The following SIMC1 variants were observed in gnomAD, a reference collection of about 807,000 sequenced individuals.
The protein encoded by SIMC1 is SUMO-interacting motif-containing protein 1.
In SIMC1, 55 loss-of-function variants were observed where a neutral mutation model predicts 82.3. That is an observed-to-expected ratio of 0.67 (90% CI 0.54 to 0.84). The LOEUF is 0.84. Ranked by LOEUF, SIMC1 falls within the 40% of genes least tolerant of loss-of-function variation. The pLI is 0.00. For synonymous variants in SIMC1, 353 were observed against 426.3 expected, an observed-to-expected ratio of 0.83 and a Z score of 2.12; for missense variants, 915 against 1,107.2, an observed-to-expected ratio of 0.83 and a Z score of 2.46.
In SIMC1 at chr5:176,290,615, C is replaced by A. The variant is rs777586034; in HGVS notation, c.1091C>A (p.Pro364His). Residue 364 changes from proline (P) to histidine (H), a missense_variant, in exon 2 of 10, where the codon CCT (proline) becomes CAT (histidine). Physicochemically the swap from Pro to His is moderately conservative, Grantham distance 77. Around this residue, in one of 2 missense-constraint regions of SIMC1, gnomAD observed 902 missense variants for 1,040.3 expected, o/e 0.87. Transcript: ENST00000429602. ...GTGACACACTCACCTAGAGACATCC[C>A]TCACTTACCAGGAGACAGGCCTGAC... ...GDVTHSPRDI[P>H]HLPGDRPDFT... 1.9e-6 allele frequency: 3 copies of A among 1,613,978 alleles called. No individual in the cohort carries two copies. Among genetic ancestry groups the A allele is most frequent in the Non-Finnish European group, 1.7e-6 (2 of 1,179,896 alleles).
chr5:176,323,024 T>C (rs1413202604), intron 6 of SIMC1, among the ~76,000 whole-genome samples: 1 of 152,200 alleles, frequency 6.6e-6, no homozygotes, highest in Non-Finnish European at 1.5e-5. Flanking sequence ...AACCCAGTAT[T>C]CCATGTCAAT....
intron 1 of SIMC1, among the ~76,000 whole-genome samples, chr5:176,240,382 T>G (rs1170353232): frequency 9.2e-6 from 1 of 109,046 alleles, no homozygotes; most frequent in Non-Finnish European, 2.0e-5. Context: ...TCTTCAGTGG[T>G]CAGATGCCAT....
At chr5:176,284,117 G>A (rs1041850443) in intron 1 of SIMC1, among the ~76,000 whole-genome samples, 37 of 152,150 alleles carry the variant, frequency 2.4e-4, no homozygotes, top group Non-Finnish European at 4.0e-4. Flanking sequence ...ACAGATCAAT[G>A]AGATAGAAAG....
chr5:176,252,700 C>T lies in SIMC1; in HGVS notation c.129+14063C>T, dbSNP rs898359795. On this transcript the variant is annotated intron_variant, in intron 1 of 9. Transcript: ENST00000429602. ...GGCTCCTCACCTCCCAGACGATGGGCGGCCAGGCAGAGACGCTCCTCACTT... is the reference window on the plus strand; with the variant it reads ...GGCTCCTCACCTCCCAGACGATGGGTGGCCAGGCAGAGACGCTCCTCACTT... 2.2e-4 allele frequency among the ~76,000 whole-genome samples: 34 copies of T among 151,706 alleles called. No individual in the cohort carries two copies. In the East Asian group the frequency reaches 6.3e-3, roughly 28 times the overall value.
At chr5:176,257,610 C>T (rs1761887985) in intron 1 of SIMC1, among the ~76,000 whole-genome samples, 1 of 152,280 alleles carries the variant, frequency 6.6e-6, no homozygotes, top group South Asian at 2.1e-4. Flanking sequence ...CCCCATGACC[C>T]AAATACCTCC....
At chr5:176,305,773 A>C (rs868121762) in intron 4 of SIMC1, among the ~76,000 whole-genome samples, 3 of 17,904 alleles carry the variant, frequency 1.7e-4, no homozygotes, top group African/African-American at 2.5e-4. Context: ...TCAGCCCCCC[A>C]CCCGGCCAGC....
chr5:176,284,659 G>A (rs1763183645), intron 1 of SIMC1, among the ~76,000 whole-genome samples: 1 of 152,056 alleles, frequency 6.6e-6, no homozygotes, highest in Non-Finnish European at 1.5e-5. Context: ...GCCAGCGGAA[G>A]GCAAGAAATA....
In SIMC1 at chr5:176,289,741, G is replaced by T; in HGVS notation, c.217G>T (p.Glu73Ter). 6.2e-7 allele frequency: 1 copy of T among 1,613,798 alleles called. No individual in the cohort carries two copies. Residue 73 changes from glutamate to a stop codon, truncating the protein, a stop_gained, in exon 2 of 10, where the codon GAA becomes TAA. Coordinates refer to ENST00000429602, the MANE Select transcript of SIMC1 (RefSeq NM_001308195.2). LOFTEE classifies it high-confidence loss of function. ...GATTGACCTGACAAGAGCTGAGGGA[G>T]AAAATAGACCTATTGCCACTCTTGA... Reference protein sequence around the residue: ...YVIDLTRAEGENRPIATLDLT... With the variant: ...YVIDLTRAEG
chr5:176,310,058 G>A (rs1350712202), intron 4 of SIMC1, among the ~76,000 whole-genome samples: 4 of 152,198 alleles, frequency 2.6e-5, no homozygotes, highest in Non-Finnish European at 5.9e-5. Flanking sequence ...ATGAAAAGCT[G>A]TTAAACTCCA....
At chr5:176,298,778 G>C (rs1763924285) in intron 4 of SIMC1, among the ~76,000 whole-genome samples, 1 of 152,194 alleles carries the variant, frequency 6.6e-6, no homozygotes, top group African/African-American at 2.4e-5. Flanking sequence ...GACATGTTAT[G>C]TGATCTCATT....
intron 1 of SIMC1, among the ~76,000 whole-genome samples, chr5:176,250,636 G>A (rs143913292): frequency 6.6e-6 from 1 of 152,016 alleles, no homozygotes; most frequent in Non-Finnish European, 1.5e-5. Flanking sequence ...TTTATGAATC[G>A]GGATGCTCCT....
chr5:176,310,518 A>G (rs1487628067), intron 4 of SIMC1, among the ~76,000 whole-genome samples: 1 of 152,234 alleles, frequency 6.6e-6, no homozygotes, highest in Non-Finnish European at 1.5e-5. Flanking sequence ...CCTCAGGGGT[A>G]TTATGGTGAA....
intron 7 of SIMC1, among the ~76,000 whole-genome samples, chr5:176,331,892 C>G (rs1048289481): frequency 2.0e-5 from 3 of 151,896 alleles, no homozygotes; most frequent in Admixed American, 6.5e-5. Context: ...TCGCTTGAAC[C>G]CAGGAGGCCG....
intron 4 of SIMC1, chr5:176,309,148 G>C: frequency 1.6e-6 from 1 of 611,100 alleles, no homozygotes; most frequent in South Asian, 2.0e-5. Flanking sequence ...TAGTAATCAA[G>C]ATAGATGGTA....
intron 4 of SIMC1, among the ~76,000 whole-genome samples, chr5:176,297,469 TC>T (rs199807769): frequency 0.045 from 6,163 of 136,626 alleles, 150 homozygotes; most frequent in Middle Eastern, 0.12. Flanking sequence ...GCCATTGCAC[TC>T]TAGTCTGGGC....
At chr5:176,326,145 G>A (rs890706985) in intron 7 of SIMC1, among the ~76,000 whole-genome samples, 1 of 152,156 alleles carries the variant, frequency 6.6e-6, no homozygotes, top group Admixed American at 6.5e-5. Flanking sequence ...TATGGTATAT[G>A]TTTGTCTTCA....
intron 4 of SIMC1, among the ~76,000 whole-genome samples, chr5:176,299,715 G>T (rs1452827355): frequency 3.3e-5 from 5 of 152,144 alleles, no homozygotes; most frequent in African/African-American, 9.7e-5. Flanking sequence ...CAATAATGGA[G>T]AAAATAACCA....
At chr5:176,304,756 A>C (rs1764213200) in intron 4 of SIMC1, among the ~76,000 whole-genome samples, 1 of 149,122 alleles carries the variant, frequency 6.7e-6, no homozygotes, top group Non-Finnish European at 1.5e-5. Context: ...GCCTCTTCCC[A>C]GCCGCCATCC....
intron 4 of SIMC1, among the ~76,000 whole-genome samples, chr5:176,305,141 G>T (rs1178556463): frequency 7.9e-6 from 1 of 127,366 alleles, no homozygotes; most frequent in Non-Finnish European, 1.8e-5. Flanking sequence ...CCAGGAGGGG[G>T]GGGGGGTCAG....
Sources: gnomAD v4.1 joint callset for allele counts (sites outside exome capture counted in the v4.1 genomes callset) on GRCh38, gnomAD v4.1.1 for gene constraint, gnomAD v4.1.1 regional missense constraint, MANE v1.5 for transcripts, NCBI Gene and HGNC (gene_info 2026-07-23, HGNC 2026-07-21) for gene names.